The following CERT1 variants were observed in gnomAD, a reference collection of about 807,000 sequenced individuals.
CERT1 encodes the protein ceramide transfer protein.
CERT1 carries 31 observed loss-of-function variants against 87.9 expected under a neutral mutation model. The ratio of observed to expected loss-of-function variants is 0.35; its 90% CI spans 0.27 to 0.48. The LOEUF is 0.48. Among genes scored for constraint, CERT1 ranks in the 20% least tolerant of loss-of-function variants. CERT1 has a pLI of 0.99. For missense variants in CERT1, 487 were observed against 758.0 expected (o/e 0.64, Z 4.20); for synonymous variants, 289 against 250.9 (o/e 1.15, Z -1.44).
At chr5:75,481,397 T>A (rs938060495) in intron 2 of CERT1, among the ~76,000 whole-genome samples, 2 of 152,210 alleles carry the variant, frequency 1.3e-5, no homozygotes, top group African/African-American at 4.8e-5. Flanking sequence ...TACTATAGTA[T>A]ATAATTATAC....
intron 2 of CERT1, among the ~76,000 whole-genome samples, chr5:75,476,335 T>C (rs1765952773): frequency 6.6e-6 from 1 of 152,152 alleles, no homozygotes. Context: ...ATTTTTTTTT[T>C]TGCACCTATC....
chr5:75,416,821 C>A (rs1763151190), intron 7 of CERT1, 55 bp downstream of exon 7: 3 of 1,420,384 alleles, frequency 2.1e-6, no homozygotes, highest in East Asian at 4.8e-5. Flanking sequence ...AATATTCAAA[C>A]AATACGTAAA....
chr5:75,403,629 G>T (rs1425390865), intron 8 of CERT1, among the ~76,000 whole-genome samples: 1 of 152,200 alleles, frequency 6.6e-6, no homozygotes, highest in Non-Finnish European at 1.5e-5. Flanking sequence ...GTACGGCTAG[G>T]CATTCAGAGG....
At chr5:75,381,003 A>T in intron 16 of CERT1, 69 bp downstream of exon 16, 9 of 1,542,292 alleles carry the variant, frequency 5.8e-6, no homozygotes, top group Non-Finnish European at 7.1e-6. Context: ...ATTTGTCCAA[A>T]TTGTTGTCAT....
intron 6 of CERT1, among the ~76,000 whole-genome samples, chr5:75,418,260 T>G (rs945003243): frequency 4.6e-5 from 7 of 152,010 alleles, no homozygotes; most frequent in Admixed American, 2.6e-4. Context: ...CATGAAAAGG[T>G]GCTTAATATC....
At chr5:75,456,663 CAAAAAAAAA>C (rs34320476) in intron 3 of CERT1, among the ~76,000 whole-genome samples, 2 of 69,426 alleles carry the variant, frequency 2.9e-5, no homozygotes, top group East Asian at 8.0e-4. Flanking sequence ...GACCTCATCT[CAAAAAAAAA>C]AAAAAAAAAA....
chr5:75,385,304 C>A (rs181859789), intron 13 of CERT1, among the ~76,000 whole-genome samples: 154 of 152,170 alleles, frequency 1.0e-3, no homozygotes, highest in Non-Finnish European at 1.6e-3. Flanking sequence ...AAAACCCCGT[C>A]TCTACTAAAA....
chr5:75,399,353 T>C lies in CERT1; in HGVS notation c.1145A>G (p.Asp382Gly), dbSNP rs1399261364. Residue 382 changes from aspartate (D) to glycine (G), a missense_variant, in exon 11 of 17, where the codon GAT becomes GGT. Coordinates refer to ENST00000643780, the MANE Select transcript of CERT1 (RefSeq NM_001379029.1). ...YSRSSSMSSI[D>G]LVSASDDVHR... ...AACATCATCAGAGGCACTGACTAGA[T>C]CAATGGAAGACATGGAGGAAGAGCG... 1 of 1,613,484 alleles carries C rather than the reference T, an allele frequency of 6.2e-7. No homozygotes were observed. Among genetic ancestry groups the C allele is most frequent in the South Asian group, 1.1e-5 (1 of 91,052 alleles).
rs12660047 is a variant in CERT1, at chr5:75,472,916, T to C, written c.232-13735A>G. Among the ~76,000 whole-genome samples the C allele has an allele frequency of 1.5e-3, 221 of 152,290 alleles. 7 individuals are homozygous for C. In the East Asian group the frequency reaches 0.037, roughly 26 times the overall value. On this transcript the variant is annotated intron_variant, in intron 2 of 16. Coordinates refer to ENST00000643780, the MANE Select transcript of CERT1 (RefSeq NM_001379029.1). The stretch of plus-strand genomic sequence containing the variant: ...CAGTAATGCCACTCCTTGGTATATA[T>C]CTAAAGTAAATAAAATCAGTATGTT...
rs148038471 is a variant in CERT1 at position 75,411,447 on chromosome 5, G to A, written c.838-344C>T. Among the ~76,000 whole-genome samples, 164 of 152,228 alleles carry A rather than the reference G, an allele frequency of 1.1e-3. 1 individual carries two copies. The East Asian group carries it at 0.027, about 25-fold the overall frequency. ...TCCTGCCTCAGCCTCCCAAGTAGCT[G>A]GGATTACAGGCTTGTGCCATCACAC... On this transcript the variant is annotated intron_variant, in intron 7 of 16. Coordinates refer to ENST00000643780, the MANE Select transcript of CERT1 (RefSeq NM_001379029.1).
In CERT1 at chr5:75,441,144, C is replaced by T. The variant is rs1222014412; in HGVS notation, c.349-14666G>A. On this transcript the variant is annotated intron_variant, in intron 3 of 16. Transcript: ENST00000643780. ...CAGACCACATATATGATGGTGGTTC[C>T]ATAGGATTATAATACCATATTTTTA... 2.0e-5 allele frequency among the ~76,000 whole-genome samples: 3 copies of T among 152,090 alleles called. No individual in the cohort carries two copies. The East Asian group carries it at 5.8e-4, about 29-fold the overall frequency.
intron 3 of CERT1, among the ~76,000 whole-genome samples, chr5:75,439,268 A>T (rs1764217916): frequency 6.6e-6 from 1 of 151,986 alleles, no homozygotes; most frequent in Admixed American, 6.5e-5. Flanking sequence ...GCTTGGTTTA[A>T]TTATGTGGAA....
intron 2 of CERT1, among the ~76,000 whole-genome samples, chr5:75,485,312 C>CAAAAAAAAAAAAAAAAAAA (rs757349878): frequency 2.2e-3 from 103 of 46,406 alleles, no homozygotes; most frequent in South Asian, 4.9e-3. Context: ...CACAAAAATA[C>CAAAAAAAAAAAAAAAAAAA]AAAAAAAAAA....
chr5:75,489,640 AT>A (rs1169221779), intron 2 of CERT1, among the ~76,000 whole-genome samples: 1 of 152,266 alleles, frequency 6.6e-6, no homozygotes, highest in Non-Finnish European at 1.5e-5. Context: ...AAAAAAGCTC[AT>A]TATCACTGGT....
At position 75,425,397 on chromosome 5, in the gene CERT1, C is replaced by T; in HGVS notation, c.559G>A (p.Asp187Asn). 1.2e-6 allele frequency: 2 copies of T among 1,614,014 alleles called. No individual in the cohort carries two copies. The highest frequency in any genetic ancestry group is 1.7e-4 in the Middle Eastern group (1 of 6,060). The change falls in exon 5 of 17, where the codon GAT (aspartate) becomes AAT (asparagine). Residue 187 changes from aspartate (D) to asparagine (N), a missense_variant. Coordinates refer to ENST00000643780, the MANE Select transcript of CERT1 (RefSeq NM_001379029.1). Reference sequence around the variant, plus strand: ...TGAAGTTCATCCTTAGAGACAGCATCAGCACAGGCATCAAAGTACTTCTGT... The same window carrying T: ...TGAAGTTCATCCTTAGAGACAGCATTAGCACAGGCATCAAAGTACTTCTGT... ...TLQKYFDACA[D>N]AVSKDELQRD...
chr5:75,387,527 A>C (rs1382383034), intron 12 of CERT1, among the ~76,000 whole-genome samples: 1 of 151,932 alleles, frequency 6.6e-6, no homozygotes, highest in Non-Finnish European at 1.5e-5. Flanking sequence ...GGATCACCTG[A>C]GGTCAGGAGT....
intron 1 of CERT1, 29 bp downstream of exon 1, chr5:75,511,083 G>C (rs776290291): frequency 6.6e-7 from 1 of 1,518,326 alleles, no homozygotes. Context: ...AGTCTGGCCA[G>C]GGGTCCCTTG....
chr5:75,502,958 T>C lies in CERT1; in HGVS notation c.231+3024A>G, dbSNP rs189668059. On this transcript the variant is annotated intron_variant, in intron 2 of 16. Transcript: ENST00000643780. Reference sequence around the variant, plus strand: ...TACAAACACTTATTCTACATACAAATAGCTCTTTTTACACAAAGTAAGGGA... The same window carrying C: ...TACAAACACTTATTCTACATACAAACAGCTCTTTTTACACAAAGTAAGGGA... Among the ~76,000 whole-genome samples the C allele has an allele frequency of 7.4e-4, 113 of 152,178 alleles. 1 individual carries two copies. Among genetic ancestry groups the C allele is most frequent in the African/African-American group, 2.6e-3 (106 of 41,562 alleles).
At chr5:75,372,946 G>A (rs565290721), downstream of CERT1, 1 of 152,342 alleles carries the variant, frequency 6.6e-6, no homozygotes, top group South Asian at 2.1e-4. Flanking sequence ...TGAAGATTTT[G>A]AAGTGGGCAG....
Sources: gnomAD v4.1 joint callset for allele counts (sites outside exome capture counted in the v4.1 genomes callset) on GRCh38, gnomAD v4.1.1 for gene constraint, MANE v1.5 for transcripts, NCBI Gene and HGNC (gene_info 2026-07-23, HGNC 2026-07-21) for gene names.